ZBTB40: variants seen among roughly 807,000 people sequenced by gnomAD.
ZBTB40 encodes the protein zinc finger and BTB domain-containing protein 40.
ZBTB40 carries 60 observed loss-of-function variants against 117.5 expected under a neutral mutation model. The ratio of observed to expected loss-of-function variants is 0.51; its 90% confidence interval spans 0.41 to 0.63. ZBTB40 has a LOEUF of 0.63. Ranked by LOEUF, ZBTB40 falls within the 30% of genes least tolerant of loss-of-function variation. ZBTB40 has a pLI of 0.00. For synonymous variants in ZBTB40, 525 were observed against 577.1 expected (o/e 0.91, Z 1.29); for missense variants, 1,287 against 1,498.5 (o/e 0.86, Z 2.33).
At chr1:22,491,646 ATTTT>A in intron 3 of ZBTB40, 113 bp downstream of exon 3, 5 of 974,390 alleles carry the variant, frequency 5.1e-6, no homozygotes, top group Non-Finnish European at 7.5e-6. Flanking sequence ...TGAAACTTTA[ATTTT>A]TTTTTTTTTT....
chr1:22,476,127 C>T (rs886833484), intron 1 of ZBTB40, among the ~76,000 whole-genome samples: 2 of 152,194 alleles, frequency 1.3e-5, no homozygotes, highest in Non-Finnish European at 2.9e-5. Flanking sequence ...CCTCCCTATT[C>T]ATTAAAGGGA....
At chr1:22,508,787 T>A in intron 8 of ZBTB40, 56 bp downstream of exon 8, 1 of 1,550,570 alleles carries the variant, frequency 6.4e-7, no homozygotes, top group Non-Finnish European at 8.8e-7. Context: ...ACTGTCAGTC[T>A]TCCTAGAAAA....
At chr1:22,436,955 G>T (rs1389259675) in intron 1 of ZBTB40, among the ~76,000 whole-genome samples, 1 of 152,092 alleles carries the variant, frequency 6.6e-6, no homozygotes, top group Non-Finnish European at 1.5e-5. Flanking sequence ...TTGGAGAGAT[G>T]GGAAGATGGG....
chr1:22,437,043 G>C (rs992667204), intron 1 of ZBTB40, among the ~76,000 whole-genome samples: 1 of 152,052 alleles, frequency 6.6e-6, no homozygotes, highest in Non-Finnish European at 1.5e-5. Context: ...AAATGTTCTA[G>C]GATGTCTAGT....
At chr1:22,438,661 C>T (rs191630644) in intron 1 of ZBTB40, among the ~76,000 whole-genome samples, 36 of 152,286 alleles carry the variant, frequency 2.4e-4, no homozygotes, top group Admixed American at 1.2e-3. Flanking sequence ...CCCGTTTTTC[C>T]ACAACCTTGC....
intron 1 of ZBTB40, among the ~76,000 whole-genome samples, chr1:22,432,852 C>G (rs1010696281): frequency 5.9e-5 from 9 of 152,312 alleles, no homozygotes; most frequent in African/African-American, 2.2e-4. Context: ...AAATCCAGAG[C>G]CAATTCTGGT....
At chr1:22,505,416 G>A (rs113036708) in intron 5 of ZBTB40, among the ~76,000 whole-genome samples, 4 of 152,282 alleles carry the variant, frequency 2.6e-5, no homozygotes, top group African/African-American at 9.6e-5. Context: ...ACAAAGGAGT[G>A]GAATTGCTGA....
chr1:22,511,451 T>C (rs2073168), intron 10 of ZBTB40, 104 bp downstream of exon 10: 564,872 of 1,478,340 alleles, frequency 0.38, 111,161 homozygotes, highest in East Asian at 0.45. Context: ...AACCTTAAGT[T>C]ACGTATTCAT....
intron 5 of ZBTB40, among the ~76,000 whole-genome samples, chr1:22,503,839 G>A (rs1569857544): frequency 6.6e-6 from 1 of 152,246 alleles, no homozygotes; most frequent in East Asian, 1.9e-4. Flanking sequence ...CCTCTTTAGT[G>A]ATTTCATTCG....
In ZBTB40 at chr1:22,512,015, T is replaced by C. The variant is rs772191288; in HGVS notation, c.2342T>C (p.Leu781Pro). Residue 781 changes from leucine (L) to proline (P), a missense_variant, in exon 11 of 18, where the codon CTG (leucine) becomes CCG (proline). Leu to Pro is a moderately conservative substitution (Grantham distance 98, BLOSUM62 -3). Coordinates refer to ENST00000375647, the MANE Select transcript of ZBTB40 (RefSeq NM_014870.4). ...GAGACCAAGGATTCAAAGAAAGAGC[T>C]GGACAAACATCAGCTGGAGGCCCAT... Reference protein sequence around the residue: ...CSETKDSKKELDKHQLEAHGA... With the variant: ...CSETKDSKKEPDKHQLEAHGA... 1.2e-6 allele frequency: 2 copies of C among 1,614,164 alleles called. No individual in the cohort carries two copies. Among genetic ancestry groups the C allele is most frequent in the South Asian group, 2.2e-5 (2 of 91,082 alleles).
At chr1:22,471,667 G>C (rs1262087681) in intron 1 of ZBTB40, among the ~76,000 whole-genome samples, 1 of 152,236 alleles carries the variant, frequency 6.6e-6, no homozygotes, top group Non-Finnish European at 1.5e-5. Flanking sequence ...GAAAAGGGCA[G>C]AGACCAGTGG....
intron 11 of ZBTB40, 41 bp downstream of exon 11, chr1:22,512,175 G>A (rs1181035865): frequency 1.2e-6 from 2 of 1,608,462 alleles, no homozygotes; most frequent in East Asian, 2.2e-5. Context: ...TGATAATTGT[G>A]GGTTTTATAG....
intron 1 of ZBTB40, among the ~76,000 whole-genome samples, chr1:22,455,034 T>A (rs1473199318): frequency 6.6e-6 from 1 of 152,230 alleles, no homozygotes; most frequent in Non-Finnish European, 1.5e-5. Flanking sequence ...TTCTTAGTGT[T>A]TCTGCTTGGA....
At chr1:22,461,040 C>G (rs1641119975) in intron 1 of ZBTB40, among the ~76,000 whole-genome samples, 1 of 152,178 alleles carries the variant, frequency 6.6e-6, no homozygotes, top group African/African-American at 2.4e-5. Context: ...TGAATACTTA[C>G]CTCCTAGTAT....
At chr1:22,526,089 C>A in intron 17 of ZBTB40, 113 bp from the exon 18 acceptor site, 1 of 1,285,466 alleles carries the variant, frequency 7.8e-7, no homozygotes, top group Non-Finnish European at 1.1e-6. Context: ...TGTAAGTGCT[C>A]TCCTCAGGTG....
chr1:22,450,864 C>A (rs1640854130), upstream of ZBTB40, among the ~76,000 whole-genome samples: 1 of 152,160 alleles, frequency 6.6e-6, no homozygotes, highest in South Asian at 2.1e-4. Flanking sequence ...ACAGAGGAAG[C>A]TGGACATTGC....
chr1:22,474,667 G>T (rs1357652684), intron 1 of ZBTB40, among the ~76,000 whole-genome samples: 1 of 152,168 alleles, frequency 6.6e-6, no homozygotes, highest in Non-Finnish European at 1.5e-5. Context: ...TTTGTGAGCT[G>T]CTAAGTAGCC....
At chr1:22,456,503 T>C (rs1330397518) in intron 1 of ZBTB40, among the ~76,000 whole-genome samples, 2 of 152,224 alleles carry the variant, frequency 1.3e-5, no homozygotes, top group Non-Finnish European at 2.9e-5. Flanking sequence ...AATGTCATTT[T>C]TTCTGGGGAG....
At chr1:22,482,688 T>C (rs1198383118) in intron 1 of ZBTB40, among the ~76,000 whole-genome samples, 1 of 152,240 alleles carries the variant, frequency 6.6e-6, no homozygotes, top group Admixed American at 6.5e-5. Context: ...TGGTCTTTTT[T>C]ACTATCTATA....
Sources: allele counts gnomAD v4.1 joint callset (sites outside exome capture counted in the v4.1 genomes callset), GRCh38; gene constraint gnomAD v4.1.1; transcripts MANE v1.5; gene names NCBI Gene and HGNC (gene_info 2026-07-23, HGNC 2026-07-21).